The following TTC17 variants were observed in gnomAD, a reference collection of about 807,000 sequenced individuals.
The protein encoded by TTC17 is tetratricopeptide repeat protein 17.
A neutral mutation model predicts 143.8 loss-of-function variants in TTC17; 58 were observed. The observed-to-expected ratio is 0.40, with a 90% CI of 0.33 to 0.50. The LOEUF (loss-of-function observed/expected upper bound fraction) is 0.50, where lower values mean the gene tolerates loss of function less well. Ranked by LOEUF, TTC17 falls within the 20% of genes least tolerant of loss-of-function variation. The probability of loss-of-function intolerance (pLI) is 0.49; values close to 1 mark genes in which losing one functional copy is unlikely to be tolerated. For missense variants in TTC17, 1,273 were observed against 1,392.5 expected, an observed-to-expected ratio of 0.91 and a Z score of 1.37; for synonymous variants, 501 against 497.8, an observed-to-expected ratio of 1.01 and a Z score of -0.09.
intron 1 of TTC17, among the ~76,000 whole-genome samples, chr11:43,374,251 T>G (rs926453911): frequency 5.3e-5 from 8 of 152,110 alleles, no homozygotes; most frequent in African/African-American, 1.9e-4. Context: ...ATCCCTACCT[T>G]TTACCATATA....
intron 19 of TTC17, 75 bp from the exon 20 acceptor site, chr11:43,450,007 G>A (rs1234239410): frequency 1.3e-6 from 2 of 1,494,592 alleles, no homozygotes; most frequent in Non-Finnish European, 1.8e-6. Flanking sequence ...CTCCTTGATT[G>A]TTAATGCTGT....
chr11:43,445,942 T>G, intron 18 of TTC17: 1 of 1,381,058 alleles, frequency 7.2e-7, no homozygotes. Flanking sequence ...GCTACTAGAC[T>G]GGAAGACCAG....
At chr11:43,480,589 A>G (rs940873029) in intron 21 of TTC17, among the ~76,000 whole-genome samples, 4 of 152,242 alleles carry the variant, frequency 2.6e-5, no homozygotes, top group Non-Finnish European at 5.9e-5. Context: ...ATGCTAAGCA[A>G]ATAAGATACA....
intron 1 of TTC17, among the ~76,000 whole-genome samples, chr11:43,373,124 A>G (rs1372810699): frequency 6.6e-6 from 1 of 152,050 alleles, no homozygotes; most frequent in Non-Finnish European, 1.5e-5. Flanking sequence ...TTTCTCCTTC[A>G]TATTGTCTAT....
chr11:43,389,623 C>A, intron 2 of TTC17, 29 bp from the exon 3 acceptor site: 1 of 1,569,812 alleles, frequency 6.4e-7, no homozygotes, highest in Non-Finnish European at 8.6e-7. Flanking sequence ...TTAGAAGAAT[C>A]CATTCTGTTC....
chr11:43,392,544 A>G (rs1383388429), intron 5 of TTC17, among the ~76,000 whole-genome samples: 1 of 152,250 alleles, frequency 6.6e-6, no homozygotes, highest in African/African-American at 2.4e-5. Flanking sequence ...GGTATAAAAT[A>G]AGATGTATAA....
At position 43,494,094 on chromosome 11, in the gene TTC17, T is replaced by A; in HGVS notation, c.*190T>A. On this transcript the variant is annotated 3_prime_UTR_variant, in exon 24 of 24. Transcript: ENST00000039989. ...CGTTTCTCCTTTCCCCCAACCAACCTCAGAAGAGGCACCTTCAGAAACACA... is the reference window on the plus strand; with the variant it reads ...CGTTTCTCCTTTCCCCCAACCAACCACAGAAGAGGCACCTTCAGAAACACA... The A allele has an allele frequency of 1.5e-6, 1 of 678,980 alleles. No homozygotes were observed. Among genetic ancestry groups the A allele is most frequent in the Non-Finnish European group, 2.3e-6 (1 of 439,052 alleles). The allele number at this position is 678,980 out of a possible 1,614,324, so 42.1% of individuals were successfully genotyped here. A position where few individuals can be genotyped will look rare whatever the true frequency, so the allele number is the denominator to read the frequency against.
At chr11:43,439,393 G>A (rs780881562) in intron 16 of TTC17, among the ~76,000 whole-genome samples, 20 of 151,780 alleles carry the variant, frequency 1.3e-4, no homozygotes, top group Non-Finnish European at 2.6e-4. Flanking sequence ...ATCTCCAGAT[G>A]TGTGTGGAAC....
In TTC17 at chr11:43,414,617, G is replaced by A. The variant is rs200458250; in HGVS notation, c.2092G>A (p.Ala698Thr). 5.2e-4 allele frequency: 830 copies of A among 1,608,854 alleles called. 11 individuals carry two copies. In the South Asian group the frequency reaches 8.0e-3, roughly 15 times the overall value. The stretch of plus-strand genomic sequence containing the variant: ...TCTGACCTTTTTGAGCCTGGGAAAT[G>A]CTTACCTTGCTCTGAAGAATATCAG... Reference protein sequence around the residue: ...EPLTFLSLGNAYLALKNISGA... With the variant: ...EPLTFLSLGNTYLALKNISGA... Residue 698 changes from alanine to threonine, a missense_variant, in exon 16 of 24, where the codon GCT (alanine) becomes ACT (threonine). By Grantham distance (58) the Ala-to-Thr change is moderately conservative. Transcript: ENST00000039989.
intron 15 of TTC17, among the ~76,000 whole-genome samples, chr11:43,409,904 T>C (rs1858328173): frequency 6.6e-6 from 1 of 151,708 alleles, no homozygotes; most frequent in African/African-American, 2.4e-5. Flanking sequence ...TGCAGTGACA[T>C]GATCTCAGCT....
intron 20 of TTC17, 101 bp downstream of exon 20, chr11:43,450,342 AT>A: frequency 7.4e-7 from 1 of 1,355,386 alleles, no homozygotes; most frequent in African/African-American, 1.5e-5. Context: ...TTAAAAAAAA[AT>A]AGGGGCTTTT....
chr11:43,409,320 A>T (rs184073537), intron 15 of TTC17, among the ~76,000 whole-genome samples: 3 of 152,290 alleles, frequency 2.0e-5, no homozygotes, highest in African/African-American at 7.2e-5. Flanking sequence ...GGCCTTAAAG[A>T]TTGTTAGCAG....
chr11:43,403,494 A>T (rs990810616), intron 10 of TTC17, among the ~76,000 whole-genome samples: 6 of 152,156 alleles, frequency 3.9e-5, no homozygotes, highest in African/African-American at 1.4e-4. Context: ...GTGTTCTCTC[A>T]TCTAGGTTAC....
chr11:43,368,883 G>T (rs1856454184), intron 1 of TTC17, among the ~76,000 whole-genome samples: 1 of 152,198 alleles, frequency 6.6e-6, no homozygotes, highest in Non-Finnish European at 1.5e-5. Flanking sequence ...GTGTGGTGTG[G>T]TGTGCTCTGC....
intron 21 of TTC17, among the ~76,000 whole-genome samples, chr11:43,467,053 A>G (rs559066007): frequency 6.6e-6 from 1 of 152,112 alleles, no homozygotes; most frequent in East Asian, 1.9e-4. Flanking sequence ...AGTTAAGTTT[A>G]TGATTATGAA....
chr11:43,427,001 G>A (rs930040784), intron 16 of TTC17, among the ~76,000 whole-genome samples: 8 of 152,068 alleles, frequency 5.3e-5, no homozygotes, highest in Non-Finnish European at 1.0e-4. Context: ...CTATACCAGT[G>A]GTAAGTTTAA....
At chr11:43,401,951 C>G (rs1857874028) in intron 10 of TTC17, among the ~76,000 whole-genome samples, 1 of 151,288 alleles carries the variant, frequency 6.6e-6, no homozygotes, top group Admixed American at 6.6e-5. Context: ...GCACTCCAGC[C>G]TGGGCAACAG....
intron 2 of TTC17, among the ~76,000 whole-genome samples, chr11:43,382,350 A>C (rs1022013420): frequency 6.6e-6 from 1 of 152,226 alleles, no homozygotes; most frequent in Non-Finnish European, 1.5e-5. Context: ...ATAAGTTAAA[A>C]ACATTGATGA....
intron 23 of TTC17, among the ~76,000 whole-genome samples, chr11:43,492,535 C>G (rs1047904203): frequency 6.6e-6 from 1 of 152,184 alleles, no homozygotes; most frequent in Non-Finnish European, 1.5e-5. Flanking sequence ...TCATCGCACT[C>G]ATGACACCCT....
Sources: allele counts gnomAD v4.1 joint callset (sites outside exome capture counted in the v4.1 genomes callset), GRCh38; gene constraint gnomAD v4.1.1; transcripts MANE v1.5; gene names NCBI Gene and HGNC (gene_info 2026-07-23, HGNC 2026-07-21).